FAM228A: variants seen among roughly 807,000 people sequenced by gnomAD.
FAM228A encodes the protein family with sequence similarity 228 member A, also known as protein FAM228A.
A neutral mutation model predicts 18.6 loss-of-function variants in FAM228A; 13 were observed. The ratio of observed to expected loss-of-function variants is 0.70; its 90% confidence interval spans 0.45 to 1.11. The LOEUF is 1.11. FAM228A is among the 50% of genes least tolerant of loss of function. The pLI, the probability that FAM228A is intolerant of heterozygous loss-of-function variation, is 0.00. For missense variants in FAM228A, 240 were observed against 242.2 expected, an observed-to-expected ratio of 0.99 and a Z score of 0.06; for synonymous variants, 77 against 86.6, an observed-to-expected ratio of 0.89 and a Z score of 0.61.
At chr2:24,185,021 C>T (rs183301000) in intron 5 of FAM228A, among the ~76,000 whole-genome samples, 108 of 152,194 alleles carry the variant, frequency 7.1e-4, no homozygotes, top group Non-Finnish European at 1.1e-3. Context: ...TGGCGTTTCA[C>T]CATGTTGGCC....
chr2:24,180,197 G>A (rs541507852), intron 3 of FAM228A, among the ~76,000 whole-genome samples: 1 of 150,810 alleles, frequency 6.6e-6, no homozygotes, highest in Admixed American at 6.6e-5. Context: ...GGTCACCCCT[G>A]TAATCCCAGC....
chr2:24,176,148 A>G, intron 2 of FAM228A: 1 of 984,164 alleles, frequency 1.0e-6, no homozygotes, highest in Non-Finnish European at 1.2e-6. Context: ...TTAAACAAAG[A>G]TTATTTGAGA....
At position 24,190,503 on chromosome 2, in the gene FAM228A, C is replaced by T; in HGVS notation, c.493C>T (p.Leu165Phe). ...LSQAAFERQFLSSKLSQKNKV... is the reference protein window; with the variant it reads ...LSQAAFERQFFSSKLSQKNKV... ...TCAGGCTGCGTTTGAAAGGCAGTTC[C>T]TTTCCTCAAAGCTCAGCCAGAAGAA... Residue 165 changes from leucine (L) to phenylalanine (F), a missense_variant, in exon 6 of 6, where the codon CTT becomes TTT. By Grantham distance (22) the Leu-to-Phe change is conservative. Transcript: ENST00000295150. The T allele has an allele frequency of 6.2e-7, 1 of 1,614,188 alleles. No homozygotes were observed. Among genetic ancestry groups the T allele is most frequent in the Non-Finnish European group, 8.5e-7 (1 of 1,180,030 alleles).
In FAM228A at chr2:24,179,202, C is replaced by T. The variant is rs180875196; in HGVS notation, c.162+1332C>T. ...AAATGGGTTGAAAATGTTGCAGAGCCTCTTCAGCAGAGAATTATGGAAAAA... is the reference window on the plus strand; with the variant it reads ...AAATGGGTTGAAAATGTTGCAGAGCTTCTTCAGCAGAGAATTATGGAAAAA... On this transcript the variant is annotated intron_variant, in intron 3 of 5. Transcript: ENST00000295150. 2.4e-5 allele frequency: 26 copies of T among 1,099,052 alleles called. No homozygotes were observed. In the East Asian group the frequency reaches 1.8e-3, roughly 76 times the overall value. The allele number at this position is 1,099,052 out of a possible 1,614,324, so 68.1% of individuals were successfully genotyped here.
rs1425486292 is a variant in FAM228A, at chr2:24,175,080, C to T, written c.-109C>T. ...GCGCCCCGACGCTCGGGCCCGCGGG[C>T]TCCTTTCTCCGTCGCCGCTCCAGGA... On this transcript the variant is annotated 5_prime_UTR_variant, in exon 1 of 6. Transcript: ENST00000295150. The T allele has an allele frequency of 1.2e-5, 2 of 169,414 alleles. No homozygotes were observed. The highest frequency in any genetic ancestry group is 1.9e-4 in the East Asian group (1 of 5,378). The allele number at this position is 169,414 out of a possible 1,614,324, so 10.5% of individuals were successfully genotyped here.
At position 24,175,191 on chromosome 2, in the gene FAM228A, C is replaced by T; in HGVS notation, c.-15+17C>T. 1 of 366,182 alleles carries T rather than the reference C, an allele frequency of 2.7e-6. No homozygotes were observed. The highest frequency in any genetic ancestry group is 2.9e-5 in the South Asian group (1 of 35,026). 22.7% of individuals were successfully genotyped at this position (366,182 alleles called of 1,614,324 possible). A position where few individuals can be genotyped will look rare whatever the true frequency, so the allele number is the denominator to read the frequency against. On this transcript the variant is annotated intron_variant, in intron 1 of 5. Transcript: ENST00000295150. ...TGGCCTGAGGTGGGGCCCGGGGAGG[C>T]CTACGGGCCTGGGGGTCGCGGAGCC...
At chr2:24,186,998 C>G (rs567029486) in intron 5 of FAM228A, among the ~76,000 whole-genome samples, 75 of 152,290 alleles carry the variant, frequency 4.9e-4, no homozygotes, top group African/African-American at 1.8e-3. Context: ...TTCAAATGCA[C>G]TGAATGTAGA....
At chr2:24,188,703 T>TC in intron 5 of FAM228A, 1 of 945,646 alleles carries the variant, frequency 1.1e-6, no homozygotes, top group Non-Finnish European at 1.3e-6. Context: ...TTGGAGATTG[T>TC]CAACTCATTC....
intron 3 of FAM228A, among the ~76,000 whole-genome samples, chr2:24,182,030 C>T (rs944401764): frequency 3.9e-5 from 6 of 152,098 alleles, no homozygotes. Flanking sequence ...GCGAGTGTCA[C>T]AGAAGTCAGC....
chr2:24,175,921 A>G (rs892592840), intron 2 of FAM228A: 7 of 1,051,504 alleles, frequency 6.7e-6, no homozygotes, highest in East Asian at 8.7e-5. Context: ...GTGTCATCCT[A>G]TGATTTGCCT....
chr2:24,191,322 G>A lies in FAM228A; in HGVS notation c.*691G>A. ...TCACCACCACACACACAGGATGGGG[G>A]ACTGCTGCTGCTTTCCAGCCTGTGA... On this transcript the variant is annotated 3_prime_UTR_variant, in exon 6 of 6. Transcript: ENST00000295150. The A allele has an allele frequency of 1.8e-5, 18 of 985,722 alleles. No individual in the cohort carries two copies. Among genetic ancestry groups the A allele is most frequent in the Non-Finnish European group, 2.2e-5 (18 of 830,180 alleles). The allele number at this position is 985,722 out of a possible 1,614,324, so 61.1% of individuals were successfully genotyped here.
chr2:24,176,213 TAAG>T (rs1558401746), intron 2 of FAM228A: 2 of 983,872 alleles, frequency 2.0e-6, no homozygotes, highest in South Asian at 9.4e-5. Context: ...GGATGTTCTT[TAAG>T]AAGGTGACTT....
chr2:24,181,726 A>G (rs1467935043), intron 3 of FAM228A, among the ~76,000 whole-genome samples: 1 of 152,130 alleles, frequency 6.6e-6, no homozygotes, highest in Non-Finnish European at 1.5e-5. Flanking sequence ...CAAATTATGG[A>G]AAGGTAGAGC....
chr2:24,175,253 C>A (rs1159626541), intron 1 of FAM228A, 79 bp downstream of exon 1: 1 of 527,778 alleles, frequency 1.9e-6, no homozygotes, highest in Non-Finnish European at 3.4e-6. Flanking sequence ...GGGCGCGCCC[C>A]GGAGGAAAGG....
chr2:24,191,453 CTT>C lies in FAM228A; in HGVS notation c.*823_*824del. 1 of 985,420 alleles carries C rather than the reference CTT, an allele frequency of 1.0e-6. No homozygotes were observed. The highest frequency in any genetic ancestry group is 1.2e-6 in the Non-Finnish European group (1 of 829,904). 61.0% of individuals were successfully genotyped at this position (985,420 alleles called of 1,614,324 possible). On this transcript the variant is annotated 3_prime_UTR_variant, in exon 6 of 6. Transcript: ENST00000295150. ...CGTCTGTGGTAAGTTACCTGTGACTCTTCAGCAGTTTCCTCTGAGCATAATTA... is the reference window on the plus strand; with the variant it reads ...CGTCTGTGGTAAGTTACCTGTGACTCCAGCAGTTTCCTCTGAGCATAATTA...
chr2:24,191,421 G>T lies in FAM228A; in HGVS notation c.*790G>T, dbSNP rs532324876. On this transcript the variant is annotated 3_prime_UTR_variant, in exon 6 of 6. Coordinates refer to ENST00000295150, the MANE Select transcript of FAM228A (RefSeq NM_001040710.3). ...TCCCCGGTCTCTCCAGGGAGTAAGG[G>T]ATTCTCCGTCTGTGGTAAGTTACCT... is the stretch of plus-strand genomic sequence containing the variant. 1 of 985,380 alleles carries T rather than the reference G, an allele frequency of 1.0e-6. No individual in the cohort carries two copies. The highest frequency in any genetic ancestry group is 1.2e-6 in the Non-Finnish European group (1 of 829,884). 61.0% of individuals were successfully genotyped at this position (985,380 alleles called of 1,614,324 possible).
chr2:24,178,177 C>G lies in FAM228A; in HGVS notation c.162+307C>G, dbSNP rs1232105297. Among the ~76,000 whole-genome samples the G allele has an allele frequency of 2.6e-5, 4 of 152,180 alleles. No individual in the cohort carries two copies. The East Asian group carries it at 7.7e-4, about 29-fold the overall frequency. On this transcript the variant is annotated intron_variant, in intron 3 of 5. Coordinates refer to ENST00000295150, the MANE Select transcript of FAM228A (RefSeq NM_001040710.3). ...CTTTCCTACTCACACTTGCCTCTTTCTCATATGTTCCCACATTGCAGTAAA... is the reference window on the plus strand; with the variant it reads ...CTTTCCTACTCACACTTGCCTCTTTGTCATATGTTCCCACATTGCAGTAAA...
intron 3 of FAM228A, 54 bp from the exon 4 acceptor site, chr2:24,183,231 A>G: frequency 7.9e-7 from 1 of 1,271,314 alleles, no homozygotes; most frequent in Non-Finnish European, 1.2e-6. Flanking sequence ...ACACATTTTA[A>G]AAGCTTAATA....
At chr2:24,179,637 T>A (rs1466016337) in intron 3 of FAM228A, among the ~76,000 whole-genome samples, 1 of 152,234 alleles carries the variant, frequency 6.6e-6, no homozygotes, top group Non-Finnish European at 1.5e-5. Context: ...CTGCTATCCT[T>A]AGTATTTTCA....
Sources: allele counts gnomAD v4.1 joint callset (sites outside exome capture counted in the v4.1 genomes callset), GRCh38; gene constraint gnomAD v4.1.1; transcripts MANE v1.5; gene names NCBI Gene and HGNC (gene_info 2026-07-23, HGNC 2026-07-21).